Variants in BRAT1 observed in about 807,000 individuals in gnomAD.
The protein encoded by BRAT1 is BRCA1 associated ATM activator 1.
In BRAT1, 74 loss-of-function variants were observed where a neutral mutation model predicts 70.6. That is an observed-to-expected ratio of 1.05 (90% CI 0.87 to 1.27). The LOEUF (loss-of-function observed/expected upper bound fraction) is 1.27, where lower values mean the gene tolerates loss of function less well. Among genes scored for constraint, BRAT1 ranks in the 50% most tolerant of loss-of-function variants. BRAT1 has a pLI of 0.00. For missense variants in BRAT1, 1,203 were observed against 1,098.2 expected (o/e 1.10, Z -1.35); for synonymous variants, 615 against 517.1 (o/e 1.19, Z -2.57).
At chr7:2,551,290 T>G (rs968216565) in intron 2 of BRAT1, among the ~76,000 whole-genome samples, 2 of 150,354 alleles carry the variant, frequency 1.3e-5, no homozygotes, top group African/African-American at 4.9e-5. Flanking sequence ...TAGATATATA[T>G]ATATCTCATG....
intron 2 of BRAT1, among the ~76,000 whole-genome samples, chr7:2,548,628 T>C (rs750910493): frequency 6.0e-5 from 9 of 150,514 alleles, no homozygotes; most frequent in South Asian, 4.2e-4. Context: ...ACTGCACCAC[T>C]GTACTCCAGC....
chr7:2,539,101 G>A (rs747263607), intron 13 of BRAT1, 78 bp downstream of exon 13: 69 of 1,516,134 alleles, frequency 4.6e-5, no homozygotes, highest in Non-Finnish European at 5.6e-5. Flanking sequence ...CATGCTGGCC[G>A]CTCGACCACC....
Position 2,554,289 on chromosome 7 carries a change from A to G in BRAT1, c.127+16T>C. ...GGTCTCTGGATAGGCAGTAAACAGC[A>G]GCACCACCTCCTTACCTCCTTCAGT... is the stretch of plus-strand genomic sequence containing the variant. On this transcript the variant is annotated intron_variant, in intron 2 of 13. Coordinates refer to ENST00000340611, the MANE Select transcript of BRAT1 (RefSeq NM_152743.4). The G allele has an allele frequency of 6.2e-7, 1 of 1,612,440 alleles. No individual in the cohort carries two copies. Among genetic ancestry groups the G allele is most frequent in the Non-Finnish European group, 8.5e-7 (1 of 1,178,978 alleles).
intron 7 of BRAT1, 138 bp from the exon 8 acceptor site, chr7:2,541,974 G>A (rs1779207548): frequency 1.7e-6 from 2 of 1,187,726 alleles, no homozygotes; most frequent in Non-Finnish European, 2.4e-6. Flanking sequence ...AGATGGCCAT[G>A]TCCCCGGTCC....
chr7:2,539,054 G>GCTGGCGCTGCC, intron 13 of BRAT1, 125 bp downstream of exon 13: 1 of 1,462,316 alleles, frequency 6.8e-7, no homozygotes, highest in Non-Finnish European at 9.0e-7. Flanking sequence ...AGTCACTGCT[G>GCTGGCGCTGCC]CAGGCGCTGC....
chr7:2,548,043 C>T (rs1409744510), intron 2 of BRAT1, among the ~76,000 whole-genome samples: 2 of 146,656 alleles, frequency 1.4e-5, no homozygotes, highest in Non-Finnish European at 3.0e-5. Flanking sequence ...AAGACCACGT[C>T]ATTGCACACG....
At chr7:2,539,749 C>T in intron 11 of BRAT1, 37 bp downstream of exon 11, 5 of 1,580,304 alleles carry the variant, frequency 3.2e-6, no homozygotes, top group Non-Finnish European at 4.3e-6. Flanking sequence ...ACCCCTGCGA[C>T]TCCAGCTCCG....
In BRAT1 at chr7:2,542,213, T is replaced by C. The variant is rs111975443; in HGVS notation, c.924-2A>G. 2 of 1,558,340 alleles carry C rather than the reference T, an allele frequency of 1.3e-6. No homozygotes were observed. The highest frequency in any genetic ancestry group is 1.7e-6 in the Non-Finnish European group (2 of 1,150,752). On this transcript the variant is annotated splice_acceptor_variant, in intron 6 of 13. Coordinates refer to ENST00000340611, the MANE Select transcript of BRAT1 (RefSeq NM_152743.4). LOFTEE classifies it high-confidence loss of function. ...GCCTGGGTCCTCAGTGCCTGTGGAC[T>C]GGAGACAAACGCGAGGTGAGTGCCG...
chr7:2,538,467 C>T lies in BRAT1; in HGVS notation c.2068G>A (p.Glu690Lys), dbSNP rs745828770. 7.4e-6 allele frequency: 12 copies of T among 1,612,740 alleles called. No individual in the cohort carries two copies. Among genetic ancestry groups the T allele is most frequent in the African/African-American group, 5.3e-5 (4 of 75,046 alleles). The change falls in exon 14 of 14, where the codon GAG becomes AAG. Residue 690 changes from glutamate to lysine, a missense_variant. Coordinates refer to ENST00000340611, the MANE Select transcript of BRAT1 (RefSeq NM_152743.4). ...ACGTGGCAGAGAGCCCTCAGTGCCT[C>T]GGTGAGTGGCTGGGCTGGGGCCACC... The part of the protein sequence containing the change: ...PEVAPAQPLT[E>K]ALRALCHVGL...
chr7:2,544,233 TGTTCTG>T (rs1779428673), intron 4 of BRAT1: 1 of 249,396 alleles, frequency 4.0e-6, no homozygotes, highest in South Asian at 9.9e-5. Flanking sequence ...GACAGAGTCT[TGTTCTG>T]TTGCCCAGGG....
At chr7:2,551,527 T>C (rs1022412847) in intron 2 of BRAT1, among the ~76,000 whole-genome samples, 5 of 148,878 alleles carry the variant, frequency 3.4e-5, no homozygotes, top group African/African-American at 9.9e-5. Flanking sequence ...CTCATCTCTA[T>C]GGGAAAAAAA....
At position 2,541,311 on chromosome 7, in the gene BRAT1, C is replaced by T. The variant is rs1008301744; in HGVS notation, c.1308G>A (p.Leu436=). ...QRAALDFLGT[L]SQGTGPQELV... ...GAACACACTCACCTGTCCCCTGTGA[C>T]AGCGTCCCCAGGAAGTCGAGGGCTG... Residue 436 remains leucine, a synonymous_variant, in exon 9 of 14, where the codon CTG becomes CTA. Coordinates refer to ENST00000340611, the MANE Select transcript of BRAT1 (RefSeq NM_152743.4). The T allele has an allele frequency of 4.4e-6, 7 of 1,592,670 alleles. No individual in the cohort carries two copies. Among genetic ancestry groups the T allele is most frequent in the African/African-American group, 2.7e-5 (2 of 74,680 alleles).
chr7:2,541,233 C>G (rs550200358), intron 9 of BRAT1, 65 bp downstream of exon 9: 11 of 1,510,900 alleles, frequency 7.3e-6, no homozygotes, highest in Non-Finnish European at 9.7e-6. Context: ...CGGGTGCCTC[C>G]GAGCAGAAAG....
intron 2 of BRAT1, among the ~76,000 whole-genome samples, chr7:2,549,109 G>A (rs1330138960): frequency 2.0e-5 from 3 of 152,206 alleles, no homozygotes; most frequent in Non-Finnish European, 4.4e-5. Flanking sequence ...CAAGTGCTCT[G>A]AGGTCCTTCG....
Position 2,538,485 on chromosome 7 carries a change from G to A in BRAT1, c.2050C>T (p.Pro684Ser). 3.1e-6 allele frequency: 5 copies of A among 1,611,850 alleles called. No homozygotes were observed. The highest frequency in any genetic ancestry group is 4.2e-6 in the Non-Finnish European group (5 of 1,179,854). ...PYAVALPEVA[P>S]AQPLTEALRA... ...AGTGCCTCGGTGAGTGGCTGGGCTG[G>A]GGCCACCTCGGGTAGGGCCACGGCA... Residue 684 changes from proline to serine, a missense_variant, in exon 14 of 14, where the codon CCA (proline) becomes TCA (serine). By Grantham distance (74) the Pro-to-Ser change is moderately conservative (BLOSUM62 -1). Coordinates refer to ENST00000340611, the MANE Select transcript of BRAT1 (RefSeq NM_152743.4).
rs778770405 is a variant in BRAT1 at position 2,538,609 on chromosome 7, C to T, written c.1926G>A (p.Ala642=). The change falls in exon 14 of 14, where the codon GCG becomes GCA. Residue 642 remains alanine, a synonymous_variant. Transcript: ENST00000340611. ...EQFVATVLQA[A]SRDLDWEVRA... ...GGACCTCCCAGTCCAGGTCTCGGCT[C>T]GCCGCCTGCAGCACAGTGGCCACGA... is the stretch of plus-strand genomic sequence containing the variant. 42 of 1,597,180 alleles carry T rather than the reference C, an allele frequency of 2.6e-5. No homozygotes were observed. The highest frequency in any genetic ancestry group is 3.3e-5 in the Non-Finnish European group (39 of 1,178,732).
chr7:2,541,166 G>GGGGCGGCCCC, intron 9 of BRAT1, 114 bp from the exon 10 acceptor site: 2 of 1,405,646 alleles, frequency 1.4e-6, no homozygotes, highest in Non-Finnish European at 1.9e-6. Context: ...CTCCTGCACG[G>GGGGCGGCCCC]CCCCTGCACC....
At position 2,537,959 on chromosome 7, in the gene BRAT1, C is replaced by G. The variant is rs900069743; in HGVS notation, c.*110G>C. ...TGCTTCTCTCCTGGTCCTGGCTTCC[C>G]CAGAGGATCCACCGGGCTGGGCTGG... is the stretch of plus-strand genomic sequence containing the variant. On this transcript the variant is annotated 3_prime_UTR_variant, in exon 14 of 14. Coordinates refer to ENST00000340611, the MANE Select transcript of BRAT1 (RefSeq NM_152743.4). 108 of 1,392,578 alleles carry G rather than the reference C, an allele frequency of 7.8e-5. No homozygotes were observed. Among genetic ancestry groups the G allele is most frequent in the Non-Finnish European group, 9.9e-5 (106 of 1,074,162 alleles). The allele number at this position is 1,392,578 out of a possible 1,614,324, so 86.3% of individuals were successfully genotyped here.
In BRAT1 at chr7:2,543,772, G is replaced by A; in HGVS notation, c.621C>T (p.Cys207=). 1 of 1,611,518 alleles carries A rather than the reference G, an allele frequency of 6.2e-7. No individual in the cohort carries two copies. Among genetic ancestry groups the A allele is most frequent in the Non-Finnish European group, 8.5e-7 (1 of 1,178,718 alleles). Residue 207 remains cysteine, a synonymous_variant, in exon 5 of 14, where the codon TGC becomes TGT. Coordinates refer to ENST00000340611, the MANE Select transcript of BRAT1 (RefSeq NM_152743.4). This position sits in a 1 kb window ranked among gnomAD's most constrained non-coding sequence, Gnocchi z 5.5. ...KIMDHVEESL[C]SAATPKVTQA... ...GAGTGACCTTGGGGGTGGCCGCGGAGCACAAGGACTCTTCAACGTGATCCA... is the reference window on the plus strand; with the variant it reads ...GAGTGACCTTGGGGGTGGCCGCGGAACACAAGGACTCTTCAACGTGATCCA...
Sources: allele counts gnomAD v4.1 joint callset (sites outside exome capture counted in the v4.1 genomes callset), GRCh38; gene constraint gnomAD v4.1.1; non-coding constraint Gnocchi (gnomAD v3.1); transcripts MANE v1.5; gene names NCBI Gene and HGNC (gene_info 2026-07-23, HGNC 2026-07-21).